FHDC1: variants seen among roughly 807,000 people sequenced by gnomAD.
The protein encoded by FHDC1 is FH2 domain-containing protein 1.
A neutral mutation model predicts 52.6 loss-of-function variants in FHDC1; 25 were observed. The observed-to-expected ratio is 0.48, with a 90% CI of 0.35 to 0.66. The LOEUF (loss-of-function observed/expected upper bound fraction) is 0.66, where lower values mean the gene tolerates loss of function less well. FHDC1 is among the 30% of genes least tolerant of loss of function. FHDC1 has a pLI of 0.01. For missense variants in FHDC1, 1,459 were observed against 1,452.8 expected (o/e 1.00, Z -0.07); for synonymous variants, 616 against 581.5 (o/e 1.06, Z -0.85).
intron 2 of FHDC1, among the ~76,000 whole-genome samples, chr4:152,949,094 T>TAAG (rs1739824240): frequency 1.2e-5 from 1 of 85,448 alleles, no homozygotes; most frequent in East Asian, 2.9e-4. Context: ...GTCTCAGTAA[T>TAAG]AATAATAATA....
rs1561215517 is a variant in FHDC1 at position 152,974,718 on chromosome 4, G to A, written c.1427G>A (p.Arg476Lys). Residue 476 changes from arginine to lysine, a missense_variant, in exon 12 of 12, where the codon AGG becomes AAG. By Grantham distance (26) the Arg-to-Lys change is conservative (BLOSUM62 2). Around this residue, in one of 3 missense-constraint regions of FHDC1, gnomAD observed 513 missense variants for 581.5 expected, o/e 0.88. Transcript: ENST00000511601. ...GCGCAGGAGCTGAGGCAGCTGCAGA[G>A]GCTGAAGGAGCAGGAGCAGAAGCAG... ...REAQELRQLQ[R>K]LKEQEQKQRS... 2 of 1,516,074 alleles carry A rather than the reference G, an allele frequency of 1.3e-6. No individual in the cohort carries two copies. Among genetic ancestry groups the A allele is most frequent in the Non-Finnish European group, 1.8e-6 (2 of 1,132,348 alleles). The allele number at this position is 1,516,074 out of a possible 1,614,324, so 93.9% of individuals were successfully genotyped here. A position where few individuals can be genotyped will look rare whatever the true frequency, so the allele number is the denominator to read the frequency against.
the FHDC1 span, among the ~76,000 whole-genome samples, chr4:152,923,698 C>A: frequency 3.3e-5 from 5 of 152,008 alleles, no homozygotes. Context: ...TCAGAAATAA[C>A]GCCGCATATC....
upstream of FHDC1, among the ~76,000 whole-genome samples, chr4:152,936,166 T>C (rs1001250408): frequency 6.6e-6 from 1 of 150,908 alleles, no homozygotes; most frequent in African/African-American, 2.4e-5. Context: ...GTGGCGCGCG[T>C]AGGGTGGAAG....
chr4:152,933,964 C>G (rs760701054), upstream of FHDC1, among the ~76,000 whole-genome samples: 28 of 152,042 alleles, frequency 1.8e-4, no homozygotes, highest in African/African-American at 6.8e-4. Flanking sequence ...AGTGACCTGA[C>G]AGCAGTTTTG....
intron 1 of FHDC1, among the ~76,000 whole-genome samples, chr4:152,941,000 T>C (rs1335619195): frequency 6.6e-6 from 1 of 152,226 alleles, no homozygotes; most frequent in East Asian, 1.9e-4. Flanking sequence ...AAAAATATTT[T>C]CTATTTTACT....
chr4:152,959,188 C>T (rs1193791770), intron 4 of FHDC1, among the ~76,000 whole-genome samples: 1 of 152,158 alleles, frequency 6.6e-6, no homozygotes, highest in Non-Finnish European at 1.5e-5. Flanking sequence ...ATAGGCTGTA[C>T]ACTTCACTAA....
rs1315528018 is a variant in FHDC1 at position 152,975,923 on chromosome 4, GGGAGCGCCCGGCGGA to G, written c.2634_2648del (p.Ser879_Ser883del). 6.6e-7 allele frequency: 1 copy of G among 1,514,280 alleles called. No homozygotes were observed. The highest frequency in any genetic ancestry group is 8.8e-7 in the Non-Finnish European group (1 of 1,133,754). 93.8% of individuals were successfully genotyped at this position (1,514,280 alleles called of 1,614,324 possible). Reference sequence around the variant, plus strand: ...GGCGTCTCCCGGGGCCTCCAAGCCCGGGAGCGCCCGGCGGAGCCAGGGGGCAGTGGCCAAGTCTGT... The same window carrying G: ...GGCGTCTCCCGGGGCCTCCAAGCCCGGCCAGGGGGCAGTGGCCAAGTCTGT... On this transcript the variant is annotated inframe_deletion, in exon 12 of 12. Transcript: ENST00000511601.
chr4:152,927,349 G>T, the FHDC1 span: 4 of 710,108 alleles, frequency 5.6e-6, no homozygotes, highest in Non-Finnish European at 1.0e-5. Flanking sequence ...TCCCGTTGTG[G>T]TTGCCAATTG....
At chr4:152,969,222 A>G (rs1165562636) in intron 10 of FHDC1, among the ~76,000 whole-genome samples, 1 of 152,206 alleles carries the variant, frequency 6.6e-6, no homozygotes, top group Non-Finnish European at 1.5e-5. Context: ...GGGGAGGAAC[A>G]GTGTGCTCCT....
In FHDC1 at chr4:152,976,181, T is replaced by G. The variant is rs1458964589; in HGVS notation, c.2890T>G (p.Ser964Ala). 8.1e-6 allele frequency: 13 copies of G among 1,612,188 alleles called. No individual in the cohort carries two copies. Among genetic ancestry groups the G allele is most frequent in the Admixed American group, 1.7e-5 (1 of 59,942 alleles). ...EQRLPRGSSG[S>A]SSTRPGRDVP... ...GAGGCTGCCGCGGGGGAGCAGCGGC[T>G]CCAGCAGCACCCGTCCGGGGAGGGA... The change falls in exon 12 of 12, where the codon TCC (serine) becomes GCC (alanine). Residue 964 changes from serine (S) to alanine (A), a missense_variant. By Grantham distance (99) the Ser-to-Ala change is moderately conservative. Coordinates refer to ENST00000511601, the MANE Select transcript of FHDC1 (RefSeq NM_001371116.1).
At chr4:152,940,800 A>C (rs1739553676) in intron 1 of FHDC1, among the ~76,000 whole-genome samples, 1 of 152,252 alleles carries the variant, frequency 6.6e-6, no homozygotes, top group Admixed American at 6.5e-5. Context: ...ATGTAAGGAT[A>C]AACTGCCAAA....
At chr4:152,947,492 GC>G (rs1194272311) in intron 2 of FHDC1, among the ~76,000 whole-genome samples, 4 of 152,148 alleles carry the variant, frequency 2.6e-5, no homozygotes, top group Non-Finnish European at 4.4e-5. Context: ...CATTCCTCAG[GC>G]CCCCTGGGAG....
intron 2 of FHDC1, among the ~76,000 whole-genome samples, chr4:152,945,325 C>T (rs1739697257): frequency 6.6e-6 from 1 of 152,154 alleles, no homozygotes; most frequent in African/African-American, 2.4e-5. Context: ...TTCCTCCACC[C>T]CTGCACCCTA....
At chr4:152,920,912 A>G in the FHDC1 span, among the ~76,000 whole-genome samples, 1 of 151,550 alleles carries the variant, frequency 6.6e-6, no homozygotes, top group Admixed American at 6.6e-5. Context: ...TTAATTATAG[A>G]CAACTTGATC....
intron 1 of FHDC1, among the ~76,000 whole-genome samples, chr4:152,937,875 G>GA (rs1739443945): frequency 6.6e-6 from 1 of 152,172 alleles, no homozygotes; most frequent in Non-Finnish European, 1.5e-5. Flanking sequence ...GGCTGAGCCG[G>GA]TGGCTTGTTG....
Position 152,963,031 on chromosome 4 carries a change from T to C in FHDC1, c.930T>C (p.Tyr310=), listed in dbSNP as rs972766921. The C allele has an allele frequency of 3.1e-6, 5 of 1,613,364 alleles. No homozygotes were observed. In the African/African-American group the frequency reaches 4.0e-5, roughly 13 times the overall value. Residue 310 remains tyrosine (Y), a synonymous_variant, in exon 8 of 12, where the codon TAT becomes TAC. Transcript: ENST00000511601. ...QAGNIMNAGG[Y]AGNAVGFKLS... ...TGATTTGTCTTCTTTAGGGAGGGTATGCCGGCAATGCAGTAGGATTTAAAC... is the reference window on the plus strand; with the variant it reads ...TGATTTGTCTTCTTTAGGGAGGGTACGCCGGCAATGCAGTAGGATTTAAAC...
chr4:152,925,554 T>C, the FHDC1 span, among the ~76,000 whole-genome samples: 2 of 152,168 alleles, frequency 1.3e-5, no homozygotes, highest in African/African-American at 4.8e-5. Flanking sequence ...CATAAAATTA[T>C]AGAAATCTAT....
the FHDC1 span, among the ~76,000 whole-genome samples, chr4:152,921,644 A>G: frequency 2.1e-5 from 3 of 141,714 alleles, no homozygotes; most frequent in East Asian, 4.1e-4. Context: ...CTTTTTGCCA[A>G]TAACTCAGAG....
chr4:152,977,012 T>G lies in FHDC1; in HGVS notation c.*289T>G. The G allele has an allele frequency of 3.6e-6, 1 of 277,272 alleles. No individual in the cohort carries two copies. The highest frequency in any genetic ancestry group is 6.6e-6 in the Non-Finnish European group (1 of 152,154). The allele number at this position is 277,272 out of a possible 1,614,324, so 17.2% of individuals were successfully genotyped here. On this transcript the variant is annotated 3_prime_UTR_variant, in exon 12 of 12. Coordinates refer to ENST00000511601, the MANE Select transcript of FHDC1 (RefSeq NM_001371116.1). ...CAAAGCCCGGATCCCGAGAAAGATTTAGTAGGAGTGTAAAGTGACATTCTT... is the reference window on the plus strand; with the variant it reads ...CAAAGCCCGGATCCCGAGAAAGATTGAGTAGGAGTGTAAAGTGACATTCTT...
Sources: gnomAD v4.1 joint callset for allele counts (sites outside exome capture counted in the v4.1 genomes callset) on GRCh38, gnomAD v4.1.1 for gene constraint, gnomAD v4.1.1 regional missense constraint, MANE v1.5 for transcripts, NCBI Gene and HGNC (gene_info 2026-07-23, HGNC 2026-07-21) for gene names.